Variants in GCLC observed in about 807,000 individuals in gnomAD.
The protein encoded by GCLC is glutamate-cysteine ligase catalytic subunit, also known as glutamate--cysteine ligase catalytic subunit.
GCLC carries 30 observed loss-of-function variants against 81.5 expected under a neutral mutation model. That is an observed-to-expected ratio of 0.37 (90% CI 0.28 to 0.50). The LOEUF (loss-of-function observed/expected upper bound fraction) is 0.50, where lower values mean the gene tolerates loss of function less well. Ranked by LOEUF, GCLC falls within the 20% of genes least tolerant of loss-of-function variation. The pLI, the probability that GCLC is intolerant of heterozygous loss-of-function variation, is 0.96. For missense variants in GCLC, 556 were observed against 777.4 expected (o/e 0.72, Z 3.39); for synonymous variants, 262 against 273.3 (o/e 0.96, Z 0.41).
chr6:53,537,340 TAG>T (rs771816703), intron 1 of GCLC, among the ~76,000 whole-genome samples: 18 of 152,204 alleles, frequency 1.2e-4, no homozygotes, highest in African/African-American at 4.1e-4. Flanking sequence ...CTAAAAAAGA[TAG>T]AGAGATGCGA....
rs539239138 is a variant in GCLC at position 53,507,095 on chromosome 6, C to T, written c.1085-70G>A. 18 of 872,288 alleles carry T rather than the reference C, an allele frequency of 2.1e-5. No individual in the cohort carries two copies. In the East Asian group the frequency reaches 2.5e-4, roughly 12 times the overall value. 54.0% of individuals were successfully genotyped at this position (872,288 alleles called of 1,614,324 possible). ...ACCACTTCCTCTTAGTCCAGAAAGA[C>T]GACAGGATAGCTCAGGAAGTTTGAA... On this transcript the variant is annotated intron_variant, in intron 9 of 15. Coordinates refer to ENST00000650454, the MANE Select transcript of GCLC (RefSeq NM_001498.4).
At chr6:53,510,484 T>C (rs1423370989) in intron 6 of GCLC, 2 of 151,628 alleles carry the variant, frequency 1.3e-5, no homozygotes, top group Non-Finnish European at 2.9e-5. Context: ...TCCAAGACGG[T>C]AGAAGGGGCA....
intron 2 of GCLC, among the ~76,000 whole-genome samples, chr6:53,521,740 G>A (rs1238410769): frequency 6.6e-6 from 1 of 152,142 alleles, no homozygotes; most frequent in Non-Finnish European, 1.5e-5. Flanking sequence ...TTGGGAGGCT[G>A]AGGCGGGCAG....
At chr6:53,517,844 G>GAAAT (rs1201491884) in intron 3 of GCLC, among the ~76,000 whole-genome samples, 2 of 152,186 alleles carry the variant, frequency 1.3e-5, no homozygotes, top group Non-Finnish European at 2.9e-5. Flanking sequence ...CTGAGCCCTT[G>GAAAT]AAATGAGGCT....
chr6:53,523,504 G>A (rs1462095149), intron 1 of GCLC, among the ~76,000 whole-genome samples: 3 of 152,152 alleles, frequency 2.0e-5, no homozygotes. Flanking sequence ...GCCTACAATA[G>A]TAGTTTAGAA....
intron 15 of GCLC, 43 bp from the exon 16 acceptor site, chr6:53,499,010 AG>A: frequency 1.5e-6 from 2 of 1,301,512 alleles, no homozygotes; most frequent in Non-Finnish European, 2.2e-6. Context: ...AAACCACGTA[AG>A]TTTTTTTTTT....
At chr6:53,518,914 C>G (rs1298614656) in intron 3 of GCLC, among the ~76,000 whole-genome samples, 2 of 152,184 alleles carry the variant, frequency 1.3e-5, no homozygotes, top group Non-Finnish European at 2.9e-5. Flanking sequence ...TAGCAAAAGC[C>G]TTGATGTGTC....
chr6:53,535,271 C>G (rs9474586), intron 1 of GCLC, among the ~76,000 whole-genome samples: 1 of 152,074 alleles, frequency 6.6e-6, no homozygotes, highest in East Asian at 1.9e-4. Context: ...TCCTAGCACT[C>G]TGGGAGGCCA....
At chr6:53,515,705 TA>T (rs758153212) in intron 4 of GCLC, among the ~76,000 whole-genome samples, 78 of 152,168 alleles carry the variant, frequency 5.1e-4, no homozygotes, top group Non-Finnish European at 1.2e-4. Flanking sequence ...GCACCTATTT[TA>T]TAAGTTATAT....
rs535000790 is a variant in GCLC at position 53,511,947 on chromosome 6, CTTTTTTT to C, written c.753+2250_753+2256del. 2.6e-5 allele frequency among the ~76,000 whole-genome samples: 3 copies of C among 113,526 alleles called. No homozygotes were observed. The South Asian group carries it at 8.9e-4, about 34-fold the overall frequency. 74.5% of individuals were successfully genotyped at this position (113,526 alleles called of 152,430 possible). Reference sequence around the variant, plus strand: ...ACCATAACCTGTCATGAACTTAGTGCTTTTTTTTTTTTTTTTTTTGAGACAAAGACTT... The same window carrying C: ...ACCATAACCTGTCATGAACTTAGTGCTTTTTTTTTTTTGAGACAAAGACTT... On this transcript the variant is annotated intron_variant, in intron 6 of 15. Transcript: ENST00000650454.
chr6:53,516,288 C>CCAT, intron 3 of GCLC, 66 bp from the exon 4 acceptor site: 2 of 1,014,660 alleles, frequency 2.0e-6, no homozygotes, highest in Non-Finnish European at 3.1e-6. Context: ...TGCAGTCTTG[C>CCAT]CATCACTGCA....
chr6:53,527,086 G>A (rs1763096479), intron 1 of GCLC, among the ~76,000 whole-genome samples: 1 of 152,152 alleles, frequency 6.6e-6, no homozygotes, highest in Admixed American at 6.5e-5. Context: ...ACTATGAGCT[G>A]TGAGGTCCTA....
chr6:53,518,765 C>T (rs986034044), intron 3 of GCLC, among the ~76,000 whole-genome samples: 3 of 152,134 alleles, frequency 2.0e-5, no homozygotes, highest in Non-Finnish European at 4.4e-5. Flanking sequence ...AAATGTACAA[C>T]CCTCTTAATG....
At chr6:53,509,046 A>T in intron 7 of GCLC, 130 bp downstream of exon 7, 1 of 692,102 alleles carries the variant, frequency 1.4e-6, no homozygotes, top group Non-Finnish European at 2.6e-6. Flanking sequence ...AAACCTACAT[A>T]CTATTTATAT....
chr6:53,535,451 T>C (rs886116161), intron 1 of GCLC, among the ~76,000 whole-genome samples: 6 of 151,980 alleles, frequency 3.9e-5, no homozygotes, highest in Non-Finnish European at 7.4e-5. Flanking sequence ...AAGGTGGAGG[T>C]TGCACTTAGC....
chr6:53,536,002 T>C (rs1177495190), intron 1 of GCLC, among the ~76,000 whole-genome samples: 2 of 152,226 alleles, frequency 1.3e-5, no homozygotes, highest in East Asian at 3.8e-4. Flanking sequence ...TTAATGTTCA[T>C]ATAATTTTTT....
At position 53,502,583 on chromosome 6, in the gene GCLC, T is replaced by C. The variant is rs369162636; in HGVS notation, c.1396-2070A>G. 7.5e-4 allele frequency among the ~76,000 whole-genome samples: 114 copies of C among 152,350 alleles called. 1 individual carries two copies. Among genetic ancestry groups the C allele is most frequent in the African/African-American group, 2.5e-3 (105 of 41,584 alleles). On this transcript the variant is annotated intron_variant, in intron 12 of 15. Coordinates refer to ENST00000650454, the MANE Select transcript of GCLC (RefSeq NM_001498.4). ...ATATAAAACTGCTTTCTCTATCCCA[T>C]TTAATAATTTCTACCTCACATTTTG...
chr6:53,512,736 T>C (rs1561942086), intron 6 of GCLC, among the ~76,000 whole-genome samples: 1 of 152,154 alleles, frequency 6.6e-6, no homozygotes, highest in Non-Finnish European at 1.5e-5. Flanking sequence ...TCATCTACCA[T>C]TAGGAAGCAT....
chr6:53,498,527 GAT>G lies in GCLC; in HGVS notation c.*227_*228del, dbSNP rs1217635022. On this transcript the variant is annotated 3_prime_UTR_variant, in exon 16 of 16. Coordinates refer to ENST00000650454, the MANE Select transcript of GCLC (RefSeq NM_001498.4). ...TACAAGCCAGTTCATGATGACTTTA[GAT>G]ATGTTATTAAAATACATTGTTAATC... The G allele has an allele frequency of 1.1e-5, 6 of 542,354 alleles. No homozygotes were observed. Among genetic ancestry groups the G allele is most frequent in the African/African-American group, 9.5e-5 (5 of 52,730 alleles). 33.6% of individuals were successfully genotyped at this position (542,354 alleles called of 1,614,324 possible).
Sources: allele counts gnomAD v4.1 joint callset (sites outside exome capture counted in the v4.1 genomes callset), GRCh38; gene constraint gnomAD v4.1.1; transcripts MANE v1.5; gene names NCBI Gene and HGNC (gene_info 2026-07-23, HGNC 2026-07-21).